Variants in FHL3 observed in about 807,000 individuals in gnomAD.
FHL3 encodes the protein four and a half LIM domains protein 3.
Under a neutral mutation model 34.3 loss-of-function variants are expected in FHL3, and 21 were observed. The observed-to-expected ratio is 0.61, with a 90% CI of 0.43 to 0.88. FHL3 has a LOEUF of 0.88. Among genes scored for constraint, FHL3 ranks in the 40% least tolerant of loss-of-function variants. The pLI is 0.00. For missense variants in FHL3, 333 were observed against 373.7 expected, an observed-to-expected ratio of 0.89 and a Z score of 0.90; for synonymous variants, 137 against 144.6, an observed-to-expected ratio of 0.95 and a Z score of 0.38.
At chr1:38,000,883 C>T (rs1249160206) in intron 1 of FHL3, among the ~76,000 whole-genome samples, 1 of 152,132 alleles carries the variant, frequency 6.6e-6, no homozygotes, top group Non-Finnish European at 1.5e-5. Flanking sequence ...GGGGAAGTTA[C>T]AGGGACACAC....
intron 3 of FHL3, 76 bp downstream of exon 3, chr1:37,998,898 C>T (rs997155140): frequency 6.8e-7 from 1 of 1,469,800 alleles, no homozygotes; most frequent in African/African-American, 1.4e-5. Context: ...ACCAAGTCTC[C>T]ATGTATCAGA....
At position 37,998,040 on chromosome 1, in the gene FHL3, C is replaced by T. The variant is rs759232548; in HGVS notation, c.424G>A (p.Val142Met). The T allele has an allele frequency of 1.9e-6, 3 of 1,614,098 alleles. No individual in the cohort carries two copies. The highest frequency in any genetic ancestry group is 4.5e-5 in the East Asian group (2 of 44,862). ...CAGTAGTGAGCACCCTTGTCGGGCA[C>T]AAAAGAACGGGAGCCCAGTGGCTGT... ...CEQPLGSRSF[V>M]PDKGAHYCVP... Residue 142 changes from valine (V) to methionine (M), a missense_variant, in exon 4 of 6, where the codon GTG (valine) becomes ATG (methionine). By Grantham distance (21) the Val-to-Met change is conservative. Coordinates refer to ENST00000373016, the MANE Select transcript of FHL3 (RefSeq NM_004468.5).
chr1:38,004,083 C>T (rs1646620544), intron 1 of FHL3, among the ~76,000 whole-genome samples: 2 of 152,112 alleles, frequency 1.3e-5, no homozygotes, highest in African/African-American at 2.4e-5. Context: ...AATCCAACTC[C>T]CTCAACCCTC....
intron 3 of FHL3, 142 bp downstream of exon 3, chr1:37,998,832 G>A (rs777485271): frequency 1.3e-4 from 109 of 816,996 alleles, no homozygotes; most frequent in Non-Finnish European, 1.9e-4. Flanking sequence ...CAGGCAAACA[G>A]ATCCCGTATA....
chr1:38,002,377 C>T (rs902363617), intron 1 of FHL3, among the ~76,000 whole-genome samples: 34 of 131,326 alleles, frequency 2.6e-4, no homozygotes, highest in Non-Finnish European at 1.1e-4. Flanking sequence ...GGATTACAGG[C>T]ATGAACCACC....
intron 1 of FHL3, among the ~76,000 whole-genome samples, chr1:38,000,409 G>A (rs1340341837): frequency 6.6e-6 from 1 of 152,092 alleles, no homozygotes; most frequent in African/African-American, 2.4e-5. Context: ...CTGCCTCTGG[G>A]AGAGAAGGTC....
chr1:38,001,574 C>G (rs1295295998), intron 1 of FHL3, among the ~76,000 whole-genome samples: 1 of 152,220 alleles, frequency 6.6e-6, no homozygotes, highest in Admixed American at 6.5e-5. Flanking sequence ...CAACAAGGCC[C>G]ACCTGTCTCT....
rs998724140 is a variant in FHL3 at position 37,998,022 on chromosome 1, G to A, written c.442C>T (p.His148Tyr). The part of the protein sequence containing the change: ...SRSFVPDKGA[H>Y]YCVPCYENKF... ...TTCTCATAGCAGGGCACGCAGTAGT[G>A]AGCACCCTTGTCGGGCACAAAAGAA... Residue 148 changes from histidine (H) to tyrosine (Y), a missense_variant, in exon 4 of 6, where the codon CAC (histidine) becomes TAC (tyrosine). Transcript: ENST00000373016. The A allele has an allele frequency of 1.2e-6, 2 of 1,614,124 alleles. No individual in the cohort carries two copies. Among genetic ancestry groups the A allele is most frequent in the South Asian group, 2.2e-5 (2 of 91,066 alleles).
intron 1 of FHL3, among the ~76,000 whole-genome samples, 177 bp from the exon 2 acceptor site, chr1:37,999,609 T>C (rs987371652): frequency 1.3e-5 from 2 of 152,214 alleles, no homozygotes; most frequent in Middle Eastern, 3.2e-3. Context: ...CACATGTTTC[T>C]TTCTGTATTT....
At chr1:37,999,509 T>C in intron 1 of FHL3, 77 bp from the exon 2 acceptor site, 1 of 1,391,766 alleles carries the variant, frequency 7.2e-7, no homozygotes. Flanking sequence ...GCCTCTGCAT[T>C]CAAAACACAG....
rs1646545593 is a variant in FHL3 at position 37,997,452 on chromosome 1, C to T, written c.796G>A (p.Asp266Asn). The T allele has an allele frequency of 6.2e-7, 1 of 1,614,048 alleles. No individual in the cohort carries two copies. The highest frequency in any genetic ancestry group is 8.5e-7 in the Non-Finnish European group (1 of 1,179,956). Residue 266 changes from aspartate to asparagine, a missense_variant, in exon 6 of 6, where the codon GAT (aspartate) becomes AAT (asparagine). Coordinates refer to ENST00000373016, the MANE Select transcript of FHL3 (RefSeq NM_004468.5). This position sits in a 1 kb window ranked among gnomAD's most constrained non-coding sequence, Gnocchi z 4.3. ...TSLVGQGFVPDGDQVLCQGCS... is the reference protein window; with the variant it reads ...TSLVGQGFVPNGDQVLCQGCS... ...CCCTGGCAGAGCACTTGGTCTCCAT[C>T]CGGTACGAAGCCCTGGCCCACCAGG...
At position 37,999,294 on chromosome 1, in the gene FHL3, C is replaced by A; in HGVS notation, c.119G>T (p.Cys40Phe). The part of the protein sequence containing the change: ...PCYDNTFANT[C>F]AECQQLIGHD... ...CCCGATAAGCTGCTGGCACTCAGCA[C>A]AGGTGTTGGCAAAGGTATTGTCATA... The change falls in exon 2 of 6, where the codon TGT (cysteine) becomes TTT (phenylalanine). Residue 40 changes from cysteine to phenylalanine, a missense_variant. Cys to Phe is a radical substitution (Grantham distance 205, BLOSUM62 -2). Transcript: ENST00000373016. 1.2e-6 allele frequency: 2 copies of A among 1,614,234 alleles called. No individual in the cohort carries two copies. Among genetic ancestry groups the A allele is most frequent in the East Asian group, 2.2e-5 (1 of 44,890 alleles).
At position 37,997,304 on chromosome 1, in the gene FHL3, ATTT is replaced by A. The variant is rs993522478; in HGVS notation, c.*98_*100del. On this transcript the variant is annotated 3_prime_UTR_variant, in exon 6 of 6. Transcript: ENST00000373016. This position sits in a 1 kb window ranked among gnomAD's most constrained non-coding sequence, Gnocchi z 4.3. ...AATCCTGGAGCCCAGAAGGAGACCC[ATTT>A]TTTTTGGCGGGGGGAGCTGAGTCCC... The A allele has an allele frequency of 7.6e-7, 1 of 1,315,692 alleles. No individual in the cohort carries two copies. Among genetic ancestry groups the A allele is most frequent in the Non-Finnish European group, 1.0e-6 (1 of 958,732 alleles). The allele number at this position is 1,315,692 out of a possible 1,614,324, so 81.5% of individuals were successfully genotyped here.
chr1:37,997,268 A>T lies in FHL3; in HGVS notation c.*137T>A. 1 of 891,216 alleles carries T rather than the reference A, an allele frequency of 1.1e-6. No individual in the cohort carries two copies. Among genetic ancestry groups the T allele is most frequent in the Non-Finnish European group, 1.7e-6 (1 of 577,416 alleles). 55.2% of individuals were successfully genotyped at this position (891,216 alleles called of 1,614,324 possible). A position where few individuals can be genotyped will look rare whatever the true frequency, so the allele number is the denominator to read the frequency against. ...GGGAGTACCAGTTTGGGGATGCTGG[A>T]GTGGGGAGACAATCCTGGAGCCCAG... is the stretch of plus-strand genomic sequence containing the variant. On this transcript the variant is annotated 3_prime_UTR_variant, in exon 6 of 6. Coordinates refer to ENST00000373016, the MANE Select transcript of FHL3 (RefSeq NM_004468.5). The surrounding 1 kb of genome is among the most constrained non-coding windows in gnomAD (Gnocchi z 4.3).
At position 37,997,367 on chromosome 1, in the gene FHL3, C is replaced by T. The variant is rs753513142; in HGVS notation, c.*38G>A. On this transcript the variant is annotated 3_prime_UTR_variant, in exon 6 of 6. Transcript: ENST00000373016. This position sits in a 1 kb window ranked among gnomAD's most constrained non-coding sequence, Gnocchi z 4.3. The stretch of plus-strand genomic sequence containing the variant: ...TTAGAAAAGGAGCCACAGTCCTGGG[C>T]CCGTGGTATGGGAAAGCCTGGGTCC... 7 of 1,598,688 alleles carry T rather than the reference C, an allele frequency of 4.4e-6. No individual in the cohort carries two copies. Among genetic ancestry groups the T allele is most frequent in the Non-Finnish European group, 5.1e-6 (6 of 1,173,230 alleles).
rs777385451 is a variant in FHL3 at position 37,997,609 on chromosome 1, C to T, written c.689-50G>A. 3.1e-6 allele frequency: 5 copies of T among 1,612,652 alleles called. 1 individual carries two copies. In the South Asian group the frequency reaches 5.5e-5, roughly 18 times the overall value. On this transcript the variant is annotated intron_variant, in intron 5 of 5. Transcript: ENST00000373016. This position sits in a 1 kb window ranked among gnomAD's most constrained non-coding sequence, Gnocchi z 4.3. Reference sequence around the variant, plus strand: ...ATGCAGATGTGGGGATGGTCCGGCCCTCAACCTCACCCAATACCACATCCC... The same window carrying T: ...ATGCAGATGTGGGGATGGTCCGGCCTTCAACCTCACCCAATACCACATCCC...
Position 37,998,024 on chromosome 1 carries a change from G to C in FHL3, c.440C>G (p.Ala147Gly), listed in dbSNP as rs1646553243. Residue 147 changes from alanine (A) to glycine (G), a missense_variant, in exon 4 of 6, where the codon GCT (alanine) becomes GGT (glycine). Transcript: ENST00000373016. ...CTCATAGCAGGGCACGCAGTAGTGA[G>C]CACCCTTGTCGGGCACAAAAGAACG... ...GSRSFVPDKG[A>G]HYCVPCYENK... 6.2e-7 allele frequency: 1 copy of C among 1,614,148 alleles called. No individual in the cohort carries two copies. The highest frequency in any genetic ancestry group is 1.1e-5 in the South Asian group (1 of 91,082).
intron 1 of FHL3, among the ~76,000 whole-genome samples, chr1:38,001,645 G>C (rs772188891): frequency 6.6e-6 from 1 of 152,200 alleles, no homozygotes; most frequent in African/African-American, 2.4e-5. Flanking sequence ...GGACTGAAGG[G>C]AGCCAGCCTT....
intron 3 of FHL3, 99 bp downstream of exon 3, chr1:37,998,875 G>A (rs1646563080): frequency 8.0e-7 from 1 of 1,251,522 alleles, no homozygotes; most frequent in Admixed American, 2.2e-5. Flanking sequence ...TGTGTATGCA[G>A]GTCTTTACAC....
Sources: allele counts gnomAD v4.1 joint callset (sites outside exome capture counted in the v4.1 genomes callset), GRCh38; gene constraint gnomAD v4.1.1; non-coding constraint Gnocchi (gnomAD v3.1); transcripts MANE v1.5; gene names NCBI Gene and HGNC (gene_info 2026-07-23, HGNC 2026-07-21).